The following ANKS1A variants were observed in gnomAD, a reference collection of about 807,000 sequenced individuals.
ANKS1A encodes ankyrin repeat and SAM domain-containing protein 1A.
A neutral mutation model predicts 120.3 loss-of-function variants in ANKS1A; 55 were observed. That is an observed-to-expected ratio of 0.46 (90% CI 0.37 to 0.57). The LOEUF is 0.57. Among genes scored for constraint, ANKS1A ranks in the 20% least tolerant of loss-of-function variants. The probability of loss-of-function intolerance (pLI) is 0.00; values close to 1 mark genes in which losing one functional copy is unlikely to be tolerated. For synonymous variants in ANKS1A, 590 were observed against 604.7 expected, an observed-to-expected ratio of 0.98 and a Z score of 0.36; for missense variants, 1,123 against 1,480.3, an observed-to-expected ratio of 0.76 and a Z score of 3.96.
chr6:34,976,867 T>C (rs1228277827), intron 3 of ANKS1A, among the ~76,000 whole-genome samples: 1 of 152,140 alleles, frequency 6.6e-6, no homozygotes, highest in African/African-American at 2.4e-5. Flanking sequence ...CCTTTAATCC[T>C]AAACACTTCC....
At chr6:34,892,800 C>T (rs1434896538) in intron 1 of ANKS1A, among the ~76,000 whole-genome samples, 1 of 152,192 alleles carries the variant, frequency 6.6e-6, no homozygotes, top group Admixed American at 6.5e-5. Flanking sequence ...CAGTTGATCG[C>T]TTTGGCCTGT....
chr6:35,003,811 C>T (rs569228049), intron 10 of ANKS1A, among the ~76,000 whole-genome samples: 2 of 152,186 alleles, frequency 1.3e-5, no homozygotes, highest in African/African-American at 4.8e-5. Flanking sequence ...GTGAGAGTCT[C>T]AAAGAGGGGA....
At chr6:34,967,102 T>C in intron 1 of ANKS1A, 137 bp from the exon 2 acceptor site, 1 of 726,584 alleles carries the variant, frequency 1.4e-6, no homozygotes, top group Non-Finnish European at 2.3e-6. Flanking sequence ...CTGTGTGTTA[T>C]CAGGAGTCAT....
intron 8 of ANKS1A, among the ~76,000 whole-genome samples, chr6:34,986,731 G>A (rs1425286119): frequency 6.6e-6 from 1 of 152,208 alleles, no homozygotes; most frequent in East Asian, 1.9e-4. Context: ...GCAGTCTAGT[G>A]GTAGTCCACC....
At chr6:34,983,059 G>T in intron 5 of ANKS1A, 54 bp from the exon 6 acceptor site, 1 of 1,553,438 alleles carries the variant, frequency 6.4e-7, no homozygotes. Context: ...TGACCCTTTT[G>T]GAGGCTGGCT....
intron 23 of ANKS1A, among the ~76,000 whole-genome samples, chr6:35,088,323 A>G (rs1481155413): frequency 6.6e-6 from 1 of 152,196 alleles, no homozygotes; most frequent in Non-Finnish European, 1.5e-5. Flanking sequence ...CACACATAGC[A>G]GAGTCCACTA....
intron 3 of ANKS1A, among the ~76,000 whole-genome samples, chr6:34,978,078 C>T (rs976241464): frequency 4.5e-4 from 69 of 152,116 alleles, no homozygotes; most frequent in African/African-American, 1.6e-3. Context: ...CCTGCCTCAG[C>T]ATCCTGAGTA....
intron 1 of ANKS1A, among the ~76,000 whole-genome samples, chr6:34,892,582 C>G (rs1323104488): frequency 6.6e-6 from 1 of 152,188 alleles, no homozygotes; most frequent in Non-Finnish European, 1.5e-5. Context: ...TTTGTGTTCC[C>G]CCATCCCGTA....
intron 10 of ANKS1A, among the ~76,000 whole-genome samples, chr6:35,013,055 T>G (rs1372069016): frequency 6.6e-6 from 1 of 151,774 alleles, no homozygotes; most frequent in Non-Finnish European, 1.5e-5. Flanking sequence ...CCTCCCAAAG[T>G]GCTGGGATTA....
intron 3 of ANKS1A, 77 bp from the exon 4 acceptor site, chr6:34,981,612 GT>G: frequency 6.7e-7 from 1 of 1,492,292 alleles, no homozygotes. Flanking sequence ...AACTTCAGTG[GT>G]TTTACGAGTG....
chr6:35,062,744 C>T (rs1260042055), intron 13 of ANKS1A, among the ~76,000 whole-genome samples: 2 of 152,198 alleles, frequency 1.3e-5, no homozygotes, highest in South Asian at 2.1e-4. Context: ...GTGGTCTGAT[C>T]GCCCTCTCTG....
chr6:35,077,576 G>T (rs193127675), intron 13 of ANKS1A, among the ~76,000 whole-genome samples: 94 of 152,328 alleles, frequency 6.2e-4, no homozygotes, highest in African/African-American at 2.3e-3. Flanking sequence ...GGATGGGCAG[G>T]ACCTGTGAAT....
intron 1 of ANKS1A, among the ~76,000 whole-genome samples, chr6:34,942,573 C>T (rs985892740): frequency 6.6e-6 from 1 of 152,110 alleles, no homozygotes; most frequent in Admixed American, 6.6e-5. Flanking sequence ...CAGACTGGTC[C>T]CTTAATTGAG....
intron 1 of ANKS1A, among the ~76,000 whole-genome samples, chr6:34,940,672 A>G (rs1769477233): frequency 6.6e-6 from 1 of 152,146 alleles, no homozygotes; most frequent in Admixed American, 6.5e-5. Flanking sequence ...GCACTTTGGG[A>G]GGCCAAGGCA....
Position 35,082,001 on chromosome 6 carries a change from C to A in ANKS1A, c.2710-690C>A, listed in dbSNP as rs562366258. On this transcript the variant is annotated intron_variant, in intron 17 of 23. Transcript: ENST00000360359. This position sits in a 1 kb window ranked among gnomAD's most constrained non-coding sequence, Gnocchi z 4.1. Reference sequence around the variant, plus strand: ...GACTTCCTTTCCCTTTCTACAAGCACAGCCATGAGTTTTAAAGGATTTTTA... The same window carrying A: ...GACTTCCTTTCCCTTTCTACAAGCAAAGCCATGAGTTTTAAAGGATTTTTA... 6.6e-6 allele frequency among the ~76,000 whole-genome samples: 1 copy of A among 152,338 alleles called. No homozygotes were observed. Among genetic ancestry groups the A allele is most frequent in the African/African-American group, 2.4e-5 (1 of 41,582 alleles).
intron 13 of ANKS1A, among the ~76,000 whole-genome samples, chr6:35,075,942 T>TA (rs1189220068): frequency 6.6e-6 from 1 of 152,148 alleles, no homozygotes; most frequent in East Asian, 1.9e-4. Context: ...TTTATTTTTG[T>TA]AAAAACAGAG....
At chr6:35,069,781 C>T (rs1251104677) in intron 13 of ANKS1A, among the ~76,000 whole-genome samples, 1 of 151,784 alleles carries the variant, frequency 6.6e-6, no homozygotes, top group Non-Finnish European at 1.5e-5. Context: ...AATCCCAGCA[C>T]TTTGGGAGGC....
At chr6:35,031,351 T>G (rs534916332) in intron 11 of ANKS1A, among the ~76,000 whole-genome samples, 2 of 152,322 alleles carry the variant, frequency 1.3e-5, no homozygotes, top group East Asian at 3.9e-4. Flanking sequence ...GCTCAAGCAT[T>G]TTTTAGCAGC....
intron 1 of ANKS1A, among the ~76,000 whole-genome samples, chr6:34,936,842 A>C (rs1769281576): frequency 6.6e-6 from 1 of 152,242 alleles, no homozygotes; most frequent in African/African-American, 2.4e-5. Context: ...TCTATAAGAA[A>C]CTACTTTTAT....
Sources: gnomAD v4.1 joint callset for allele counts (sites outside exome capture counted in the v4.1 genomes callset) on GRCh38, gnomAD v4.1.1 for gene constraint, Gnocchi (gnomAD v3.1) non-coding constraint, MANE v1.5 for transcripts, NCBI Gene and HGNC (gene_info 2026-07-23, HGNC 2026-07-21) for gene names.